ANO2: variants seen among roughly 807,000 people sequenced by gnomAD.
ANO2 encodes anoctamin 2.
A neutral mutation model predicts 124.2 loss-of-function variants in ANO2; 101 were observed. The observed-to-expected ratio is 0.81, with a 90% CI of 0.69 to 0.96. The LOEUF (loss-of-function observed/expected upper bound fraction) is 0.96, where lower values mean the gene tolerates loss of function less well. ANO2 is among the 40% of genes least tolerant of loss of function. The pLI is 0.00. For missense variants in ANO2, 1,293 were observed against 1,274.5 expected (o/e 1.01, Z -0.22); for synonymous variants, 486 against 482.5 (o/e 1.01, Z -0.09).
chr12:5,838,644 C>T (rs578068388), intron 4 of ANO2, among the ~76,000 whole-genome samples: 15 of 152,328 alleles, frequency 9.8e-5, no homozygotes, highest in Non-Finnish European at 1.6e-4. Context: ...CCGCAAGGCT[C>T]ATGTGCCAAC....
At chr12:5,640,943 T>C (rs111733683) in intron 15 of ANO2, among the ~76,000 whole-genome samples, 12,725 of 152,206 alleles carry the variant, frequency 0.084, 630 homozygotes, top group Admixed American at 0.15. Context: ...ATTGCAGCAC[T>C]ATTCACAACA....
At chr12:5,929,709 T>C (rs867101052) in intron 1 of ANO2, among the ~76,000 whole-genome samples, 19 of 140,676 alleles carry the variant, frequency 1.4e-4, no homozygotes, top group African/African-American at 4.0e-4. Context: ...CTTCTTTCCT[T>C]ACTCGTCTGC....
chr12:5,638,197 CTT>C (rs1014502237), intron 15 of ANO2, among the ~76,000 whole-genome samples: 6 of 147,562 alleles, frequency 4.1e-5, no homozygotes, highest in Admixed American at 3.4e-4. Context: ...TTCTAGATGT[CTT>C]TATTCGATGC....
chr12:5,719,105 T>C (rs543561719), intron 14 of ANO2, among the ~76,000 whole-genome samples: 1 of 152,358 alleles, frequency 6.6e-6, no homozygotes, highest in East Asian at 1.9e-4. Flanking sequence ...TCATGCACTT[T>C]AGGACTTAGG....
chr12:5,639,784 G>C (rs1946236276), intron 15 of ANO2, among the ~76,000 whole-genome samples: 1 of 152,164 alleles, frequency 6.6e-6, no homozygotes, highest in African/African-American at 2.4e-5. Flanking sequence ...GAGCAGAGGA[G>C]TGATGTGAGT....
intron 1 of ANO2, among the ~76,000 whole-genome samples, chr12:5,932,393 A>G (rs1460681861): frequency 6.9e-6 from 1 of 145,488 alleles, no homozygotes; most frequent in African/African-American, 2.5e-5. Flanking sequence ...GAGTGAGGAA[A>G]GAAGATAGAC....
chr12:5,929,342 TCAC>T (rs1307276734), intron 1 of ANO2, among the ~76,000 whole-genome samples: 31 of 96,682 alleles, frequency 3.2e-4, no homozygotes, highest in Admixed American at 4.0e-4. Flanking sequence ...TCTTCTTTCC[TCAC>T]TCGTCTGCCT....
intron 10 of ANO2, among the ~76,000 whole-genome samples, chr12:5,785,815 C>T (rs998619485): frequency 6.6e-6 from 1 of 152,176 alleles, no homozygotes; most frequent in Non-Finnish European, 1.5e-5. Flanking sequence ...CATGCCAGGT[C>T]CCCTTGCCAT....
chr12:5,763,456 T>C (rs1951795026), intron 10 of ANO2, among the ~76,000 whole-genome samples: 1 of 152,084 alleles, frequency 6.6e-6, no homozygotes, highest in Admixed American at 6.5e-5. Flanking sequence ...TTAATTTGTC[T>C]CCTGTTACCT....
At chr12:5,738,799 G>A (rs926386375) in intron 13 of ANO2, among the ~76,000 whole-genome samples, 1 of 152,186 alleles carries the variant, frequency 6.6e-6, no homozygotes, top group Admixed American at 6.5e-5. Flanking sequence ...TGCTCTAGAA[G>A]AACCTATCCT....
chr12:5,863,230 C>G (rs879381707), intron 3 of ANO2, among the ~76,000 whole-genome samples: 6 of 152,206 alleles, frequency 3.9e-5, no homozygotes, highest in Admixed American at 3.9e-4. Context: ...CTTCCCCACT[C>G]AACCCCTGAG....
intron 10 of ANO2, among the ~76,000 whole-genome samples, chr12:5,757,296 C>T (rs904638357): frequency 2.0e-5 from 3 of 152,130 alleles, no homozygotes; most frequent in Non-Finnish European, 4.4e-5. Context: ...TAATAAATTA[C>T]TTTTAGAATG....
intron 14 of ANO2, among the ~76,000 whole-genome samples, chr12:5,727,635 C>CTT (rs34307471): frequency 0.022 from 1,405 of 64,162 alleles, 39 homozygotes; most frequent in Non-Finnish European, 0.041. Flanking sequence ...TCACCACTTC[C>CTT]TTTTTTTTTT....
chr12:5,915,507 C>G (rs1440029475), intron 3 of ANO2, among the ~76,000 whole-genome samples: 1 of 152,182 alleles, frequency 6.6e-6, no homozygotes, highest in Non-Finnish European at 1.5e-5. Flanking sequence ...ATCTGTAAGG[C>G]TAAGTGAATC....
rs900437925 is a variant in ANO2 at position 5,658,573 on chromosome 12, ATT to A, written c.1546-10774_1546-10773del. On this transcript the variant is annotated intron_variant, in intron 14 of 24. Transcript: ENST00000682330. This position sits in a 1 kb window ranked among gnomAD's most constrained non-coding sequence, Gnocchi z 4.3. The stretch of plus-strand genomic sequence containing the variant: ...TATAATCACCAACATCAATATTATC[ATT>A]GTCATCAATATCATCATCATCATCA... Among the ~76,000 whole-genome samples the A allele has an allele frequency of 6.6e-6, 1 of 152,116 alleles. No individual in the cohort carries two copies. Among genetic ancestry groups the A allele is most frequent in the Non-Finnish European group, 1.5e-5 (1 of 68,044 alleles).
At chr12:5,686,109 C>A (rs11063819) in intron 14 of ANO2, among the ~76,000 whole-genome samples, 56,420 of 151,634 alleles carry the variant, frequency 0.37, 12,175 homozygotes, top group East Asian at 0.59. Flanking sequence ...TGGGAAACTC[C>A]CCCAGGGGCA....
intron 1 of ANO2, among the ~76,000 whole-genome samples, chr12:5,933,945 T>C (rs2136319953): frequency 6.6e-6 from 1 of 152,306 alleles, no homozygotes; most frequent in Non-Finnish European, 1.5e-5. Flanking sequence ...GGACTCTGGA[T>C]GCAATAAGAG....
intron 7 of ANO2, among the ~76,000 whole-genome samples, chr12:5,819,398 C>T (rs1953713469): frequency 6.6e-6 from 1 of 152,164 alleles, no homozygotes. Context: ...GTGGAAGGAA[C>T]ATAGAGTTGG....
chr12:5,645,329 C>T (rs1400630583), intron 15 of ANO2, among the ~76,000 whole-genome samples: 1 of 152,128 alleles, frequency 6.6e-6, no homozygotes, highest in Non-Finnish European at 1.5e-5. Flanking sequence ...GCGGAGGTTG[C>T]AGTGAGCCAA....
Sources: gnomAD v4.1 joint callset for allele counts (sites outside exome capture counted in the v4.1 genomes callset) on GRCh38, gnomAD v4.1.1 for gene constraint, Gnocchi (gnomAD v3.1) non-coding constraint, MANE v1.5 for transcripts, NCBI Gene and HGNC (gene_info 2026-07-23, HGNC 2026-07-21) for gene names.